Variants in DDX49 observed in about 807,000 individuals in gnomAD.
The protein encoded by DDX49 is DEAD-box helicase 49.
Under a neutral mutation model 56.3 loss-of-function variants are expected in DDX49, and 50 were observed. The ratio of observed to expected loss-of-function variants is 0.89; its 90% CI spans 0.71 to 1.12. The LOEUF (loss-of-function observed/expected upper bound fraction) is 1.12, where lower values mean the gene tolerates loss of function less well. DDX49 is among the 50% of genes most tolerant of loss of function. The pLI, the probability that DDX49 is intolerant of heterozygous loss-of-function variation, is 0.00. For missense variants in DDX49, 614 were observed against 650.5 expected (o/e 0.94, Z 0.61); for synonymous variants, 269 against 270.6 (o/e 0.99, Z 0.06).
intron 10 of DDX49, 170 bp from the exon 11 acceptor site, chr19:18,927,596 A>G (rs1484786075): frequency 1.6e-6 from 1 of 612,454 alleles, no homozygotes; most frequent in Non-Finnish European, 2.9e-6. Flanking sequence ...ACAGCGGTCC[A>G]TACCTTCCTT....
At chr19:18,924,407 C>A in intron 7 of DDX49, 99 bp downstream of exon 7, 2 of 1,251,918 alleles carry the variant, frequency 1.6e-6, no homozygotes, top group Non-Finnish European at 2.3e-6. Context: ...CTTCTTCCTG[C>A]CACCTGGTCT....
At chr19:18,926,417 G>T in intron 10 of DDX49, 40 bp downstream of exon 10, 3 of 1,370,194 alleles carry the variant, frequency 2.2e-6, no homozygotes, top group South Asian at 1.3e-5. Context: ...AGGAGGGGTG[G>T]GGTGGGCAGA....
rs778840526 is a variant in DDX49 at position 18,921,859 on chromosome 19, G to T, written c.342G>T (p.Ala114=). ...GTCCCCCAGACATGGTGGCCCAGGC[G>T]CTGGAGCTCTCTCGGAAACCACACG... ...IVGGMDMVAQ[A]LELSRKPHVV... is the part of the protein sequence containing the mutation. The change falls in exon 4 of 13, where the codon GCG becomes GCT. Residue 114 remains alanine (A), a synonymous_variant. Transcript: ENST00000247003. The T allele has an allele frequency of 2.0e-5, 33 of 1,613,846 alleles. No individual in the cohort carries two copies. Among genetic ancestry groups the T allele is most frequent in the Non-Finnish European group, 2.6e-5 (31 of 1,180,008 alleles).
intron 10 of DDX49, among the ~76,000 whole-genome samples, chr19:18,926,861 C>G (rs2056965091): frequency 6.6e-6 from 1 of 151,674 alleles, no homozygotes. Context: ...TCACTTGAGC[C>G]CAGGAGTTCA....
rs1363458191 is a variant in DDX49, at chr19:18,926,397, G to A, written c.1102+20G>A. On this transcript the variant is annotated intron_variant, in intron 10 of 12. Coordinates refer to ENST00000247003, the MANE Select transcript of DDX49 (RefSeq NM_019070.5). ...AGATCAGTGAGTGGGGTTGGGGTGGGTGGTAGAGAAGGAGGGGTGGGGTGG... is the reference window on the plus strand; with the variant it reads ...AGATCAGTGAGTGGGGTTGGGGTGGATGGTAGAGAAGGAGGGGTGGGGTGG... 5 of 1,378,088 alleles carry A rather than the reference G, an allele frequency of 3.6e-6. No individual in the cohort carries two copies. The highest frequency in any genetic ancestry group is 9.9e-7 in the Non-Finnish European group (1 of 1,009,642). The allele number at this position is 1,378,088 out of a possible 1,614,324, so 85.4% of individuals were successfully genotyped here. A position where few individuals can be genotyped will look rare whatever the true frequency, so the allele number is the denominator to read the frequency against.
At position 18,928,273 on chromosome 19, in the gene DDX49, C is replaced by A. The variant is rs2056981203; in HGVS notation, c.1409C>A (p.Ser470Tyr). The stretch of plus-strand genomic sequence containing the variant: ...AAGGGGCGTCCACCCAGGACACCGT[C>A]TGGGTCCCACTCAGGCCCAGTCCCC... ...GHKGRPPRTP[S>Y]GSHSGPVPSQ... Residue 470 changes from serine to tyrosine, a missense_variant, in exon 13 of 13, where the codon TCT (serine) becomes TAT (tyrosine). By Grantham distance (144) the Ser-to-Tyr change is moderately radical (BLOSUM62 -2). Coordinates refer to ENST00000247003, the MANE Select transcript of DDX49 (RefSeq NM_019070.5). 6.3e-7 allele frequency: 1 copy of A among 1,582,792 alleles called. No homozygotes were observed. Among genetic ancestry groups the A allele is most frequent in the Non-Finnish European group, 8.6e-7 (1 of 1,164,796 alleles).
chr19:18,921,545 C>G, intron 2 of DDX49, 118 bp from the exon 3 acceptor site: 1 of 946,080 alleles, frequency 1.1e-6, no homozygotes, highest in Non-Finnish European at 1.7e-6. Flanking sequence ...CCTTTGTGAA[C>G]AGGACTGGGC....
At chr19:18,921,136 T>A (rs2056913182) in intron 2 of DDX49, among the ~76,000 whole-genome samples, 1 of 148,912 alleles carries the variant, frequency 6.7e-6, no homozygotes, top group African/African-American at 2.5e-5. Flanking sequence ...AGCAAAACTC[T>A]GTCTCAAAAA....
In DDX49 at chr19:18,928,435, G is replaced by A. The variant is rs2056983773; in HGVS notation, c.*119G>A. 5.0e-6 allele frequency: 5 copies of A among 1,006,122 alleles called. No homozygotes were observed. Among genetic ancestry groups the A allele is most frequent in the East Asian group, 5.3e-5 (2 of 37,754 alleles). The allele number at this position is 1,006,122 out of a possible 1,614,324, so 62.3% of individuals were successfully genotyped here. ...TACCCAGTGCCCCACAGCAGAACCC[G>A]TGGGCGCTCGTGTTGTGCGGGCCCT... On this transcript the variant is annotated 3_prime_UTR_variant, in exon 13 of 13. Coordinates refer to ENST00000247003, the MANE Select transcript of DDX49 (RefSeq NM_019070.5).
intron 6 of DDX49, among the ~76,000 whole-genome samples, chr19:18,923,581 C>A (rs2056936437): frequency 6.6e-6 from 1 of 152,222 alleles, no homozygotes; most frequent in South Asian, 2.1e-4. Context: ...GATCCAGCAG[C>A]TTATGTGATG....
intron 9 of DDX49, 23 bp downstream of exon 9, chr19:18,925,002 G>A (rs79331030): frequency 0.011 from 18,390 of 1,604,152 alleles, 135 homozygotes; most frequent in Non-Finnish European, 0.014. Flanking sequence ...GGGGGAGGCC[G>A]AGCCTTGGGC....
intron 8 of DDX49, 80 bp downstream of exon 8, chr19:18,924,779 C>T: frequency 6.2e-7 from 1 of 1,612,598 alleles, no homozygotes; most frequent in Non-Finnish European, 8.5e-7. Flanking sequence ...TGGCCTCAGG[C>T]ATGTCAGGCA....
At position 18,919,717 on chromosome 19, in the gene DDX49, G is replaced by T; in HGVS notation, c.-25G>T. 6.3e-7 allele frequency: 1 copy of T among 1,590,002 alleles called. No individual in the cohort carries two copies. Among genetic ancestry groups the T allele is most frequent in the South Asian group, 1.1e-5 (1 of 90,336 alleles). The stretch of plus-strand genomic sequence containing the variant: ...GCGCGGATCACACGGGCCCCTACAA[G>T]GGGCCCCTACAAGCGGCCACAAGGA... On this transcript the variant is annotated 5_prime_UTR_variant, in exon 1 of 13. In the 5' UTR this introduces an upstream ATG that the reference lacks. Transcript: ENST00000247003.
chr19:18,926,905 T>G (rs2056965509), intron 10 of DDX49, among the ~76,000 whole-genome samples: 1 of 150,582 alleles, frequency 6.6e-6, no homozygotes, highest in African/African-American at 2.4e-5. Context: ...AAACCCCGTC[T>G]CTACTAAAAA....
rs1295456217 is a variant in DDX49 at position 18,928,254 on chromosome 19, C to T, written c.1390C>T (p.Arg464Cys). ...GGCTGGCAGGGCTGGCCACAAGGGG[C>T]GTCCACCCAGGACACCGTCTGGGTC... ...QKAGRAGHKG[R>C]PPRTPSGSHS... Residue 464 changes from arginine (R) to cysteine (C), a missense_variant, in exon 13 of 13, where the codon CGT becomes TGT. Coordinates refer to ENST00000247003, the MANE Select transcript of DDX49 (RefSeq NM_019070.5). 7 of 1,588,020 alleles carry T rather than the reference C, an allele frequency of 4.4e-6. No homozygotes were observed. The highest frequency in any genetic ancestry group is 2.3e-5 in the South Asian group (2 of 87,598).
intron 2 of DDX49, 71 bp downstream of exon 2, chr19:18,920,774 T>A: frequency 6.8e-7 from 1 of 1,481,034 alleles, no homozygotes; most frequent in Non-Finnish European, 9.2e-7. Flanking sequence ...CCTTTCCCTC[T>A]CTGAGCGCCC....
intron 2 of DDX49, 148 bp from the exon 3 acceptor site, chr19:18,921,515 T>TCCAAGGCTCAGCATCAGAGCCTTTG: frequency 2.7e-6 from 2 of 751,234 alleles, no homozygotes; most frequent in Non-Finnish European, 4.4e-6. Flanking sequence ...CACAATGGCC[T>TCCAAGGCTCAGCATCAGAGCCTTTG]CCAAGGCTCA....
chr19:18,927,900 G>A, intron 11 of DDX49, 46 bp downstream of exon 11: 2 of 1,613,902 alleles, frequency 1.2e-6, no homozygotes, highest in East Asian at 2.2e-5. Flanking sequence ...TCCAGGGCCG[G>A]GGGTGCTCCC....
At chr19:18,922,771 C>T in intron 6 of DDX49, 27 bp downstream of exon 6, 1 of 1,603,236 alleles carries the variant, frequency 6.2e-7, no homozygotes, top group Non-Finnish European at 8.5e-7. Flanking sequence ...TCTCCCCTCC[C>T]ACCGCCCTTC....
Sources: allele counts gnomAD v4.1 joint callset (sites outside exome capture counted in the v4.1 genomes callset), GRCh38; gene constraint gnomAD v4.1.1; transcripts MANE v1.5; gene names NCBI Gene and HGNC (gene_info 2026-07-23, HGNC 2026-07-21).